The following MCM8 variants were observed in gnomAD, a reference collection of about 807,000 sequenced individuals.
MCM8 encodes the protein minichromosome maintenance 8 homologous recombination repair factor.
MCM8 carries 85 observed loss-of-function variants against 98.9 expected under a neutral mutation model. The observed-to-expected ratio is 0.86, with a 90% CI of 0.72 to 1.03. The LOEUF is 1.03. MCM8 is among the 50% of genes least tolerant of loss of function. The probability of loss-of-function intolerance (pLI) is 0.00; values close to 1 mark genes in which losing one functional copy is unlikely to be tolerated. For synonymous variants in MCM8, 352 were observed against 338.6 expected (o/e 1.04, Z -0.44); for missense variants, 951 against 997.8 (o/e 0.95, Z 0.63).
intron 10 of MCM8, among the ~76,000 whole-genome samples, chr20:5,970,673 A>G (rs533786290): frequency 1.3e-5 from 2 of 152,134 alleles, no homozygotes; most frequent in African/African-American, 2.4e-5. Flanking sequence ...TGAGCACACC[A>G]CCACCTCCTT....
At position 5,973,052 on chromosome 20, in the gene MCM8, T is replaced by C. The variant is rs1481169304; in HGVS notation, c.1255-4T>C. On this transcript the variant is annotated splice_polypyrimidine_tract_variant and splice_region_variant and intron_variant, in intron 11 of 18. Transcript: ENST00000610722. ...CTGTTTTTTGTTCTTTTTTCGCACTTGAGCTTGTTAAAGCAGGTTTGGCAT... is the reference window on the plus strand; with the variant it reads ...CTGTTTTTTGTTCTTTTTTCGCACTCGAGCTTGTTAAAGCAGGTTTGGCAT... The C allele has an allele frequency of 6.2e-7, 1 of 1,613,560 alleles. No individual in the cohort carries two copies. Among genetic ancestry groups the C allele is most frequent in the African/African-American group, 1.3e-5 (1 of 74,934 alleles).
At chr20:5,978,452 G>T (rs114901440) in intron 13 of MCM8, among the ~76,000 whole-genome samples, 1 of 152,266 alleles carries the variant, frequency 6.6e-6, no homozygotes, top group Admixed American at 6.5e-5. Flanking sequence ...TATTGAATGC[G>T]TTACTATGAT....
chr20:5,951,646 TAAG>T (rs1244571537), intron 1 of MCM8, among the ~76,000 whole-genome samples: 3 of 152,326 alleles, frequency 2.0e-5, no homozygotes, highest in Admixed American at 1.3e-4. Flanking sequence ...TGCCCTATAA[TAAG>T]AAGTCTCAAA....
At chr20:5,960,930 C>T (rs771751004) in intron 7 of MCM8, among the ~76,000 whole-genome samples, 2 of 151,934 alleles carry the variant, frequency 1.3e-5, no homozygotes, top group African/African-American at 4.8e-5. Flanking sequence ...AGCGAAACTC[C>T]GCCTCAAAAA....
rs749945902 is a variant in MCM8, at chr20:5,952,449, A to G, written c.174A>G (p.Ser58=). The G allele has an allele frequency of 6.2e-7, 1 of 1,614,014 alleles. No homozygotes were observed. The highest frequency in any genetic ancestry group is 8.5e-7 in the Non-Finnish European group (1 of 1,179,992). The change falls in exon 3 of 19, where the codon TCA becomes TCG. Residue 58 remains serine (S), a synonymous_variant. Coordinates refer to ENST00000610722, the MANE Select transcript of MCM8 (RefSeq NM_032485.6). ...TSEQTPQFLL[S]TKTPQSMQST... Reference sequence around the variant, plus strand: ...AACAAACCCCACAGTTTTTGCTTTCAACAAAGACCCCACAGTCAATGCAGT... The same window carrying G: ...AACAAACCCCACAGTTTTTGCTTTCGACAAAGACCCCACAGTCAATGCAGT...
At chr20:5,988,133 G>C (rs930059625) in intron 17 of MCM8, among the ~76,000 whole-genome samples, 6 of 151,684 alleles carry the variant, frequency 4.0e-5, no homozygotes, top group Admixed American at 2.6e-4. Flanking sequence ...TTTTTAATAG[G>C]TCCATACTTT....
At chr20:5,952,190 T>A in intron 2 of MCM8, 27 bp downstream of exon 2, 1 of 1,608,238 alleles carries the variant, frequency 6.2e-7, no homozygotes, top group Non-Finnish European at 8.5e-7. Context: ...ATTGTTCAAT[T>A]TTTTTCACTT....
chr20:5,967,836 G>A lies in MCM8; in HGVS notation c.1034G>A (p.Arg345Gln), dbSNP rs767842602. 1.7e-5 allele frequency: 28 copies of A among 1,600,830 alleles called. No homozygotes were observed. Among genetic ancestry groups the A allele is most frequent in the Middle Eastern group, 1.8e-4 (1 of 5,630 alleles). Residue 345 changes from arginine to glutamine, a missense_variant, in exon 10 of 19, where the codon CGA becomes CAA. Coordinates refer to ENST00000610722, the MANE Select transcript of MCM8 (RefSeq NM_032485.6). ...TAACACTTTTAATTTACAGGTTCTC[G>A]AAATAAGAATGACAAGTGTATGTTC... Reference protein sequence around the residue: ...VKVSNAEEGSRNKNDKCMFLL... With the variant: ...VKVSNAEEGSQNKNDKCMFLL...
chr20:5,952,197 A>G (rs768291372), intron 2 of MCM8, 34 bp downstream of exon 2: 3 of 1,607,314 alleles, frequency 1.9e-6, no homozygotes, highest in East Asian at 2.2e-5. Context: ...AATTTTTTTC[A>G]CTTAAGGAAG....
intron 10 of MCM8, among the ~76,000 whole-genome samples, chr20:5,968,275 T>C (rs1398514053): frequency 6.6e-6 from 1 of 152,104 alleles, no homozygotes; most frequent in Non-Finnish European, 1.5e-5. Flanking sequence ...CTGGATATGG[T>C]GGCTCACGCC....
chr20:5,956,123 T>C (rs2088974999), intron 5 of MCM8, among the ~76,000 whole-genome samples: 1 of 152,148 alleles, frequency 6.6e-6, no homozygotes, highest in South Asian at 2.1e-4. Context: ...GAATAGCAAA[T>C]CTCAGGACAG....
rs2088857471 is a variant in MCM8, at chr20:5,952,450, A to G, written c.175A>G (p.Thr59Ala). ...ACAAACCCCACAGTTTTTGCTTTCA[A>G]CAAAGACCCCACAGTCAATGCAGTC... ...SEQTPQFLLS[T>A]KTPQSMQSTL... Residue 59 changes from threonine to alanine, a missense_variant, in exon 3 of 19, where the codon ACA becomes GCA. Thr to Ala is a moderately conservative substitution (Grantham distance 58). Coordinates refer to ENST00000610722, the MANE Select transcript of MCM8 (RefSeq NM_032485.6). 7 of 1,613,926 alleles carry G rather than the reference A, an allele frequency of 4.3e-6. No individual in the cohort carries two copies. The highest frequency in any genetic ancestry group is 2.7e-5 in the African/African-American group (2 of 74,928).
intron 12 of MCM8, 46 bp downstream of exon 12, chr20:5,973,242 C>A: frequency 6.2e-7 from 1 of 1,602,080 alleles, no homozygotes; most frequent in South Asian, 1.1e-5. Context: ...TTGTAAAATG[C>A]GTTAATAATT....
chr20:5,968,122 C>T (rs1600266190), intron 10 of MCM8, 97 bp downstream of exon 10: 1 of 955,014 alleles, frequency 1.0e-6, no homozygotes, highest in East Asian at 2.4e-5. Flanking sequence ...GGTCGGCAAA[C>T]TACAGTCCAT....
chr20:5,977,065 CTG>C (rs1453795038), intron 12 of MCM8, among the ~76,000 whole-genome samples: 3 of 152,166 alleles, frequency 2.0e-5, no homozygotes, highest in Non-Finnish European at 4.4e-5. Context: ...CCATCATACT[CTG>C]TGTGTTATAA....
At chr20:5,989,981 T>G (rs994723705) in intron 17 of MCM8, among the ~76,000 whole-genome samples, 2 of 152,220 alleles carry the variant, frequency 1.3e-5, no homozygotes, top group African/African-American at 2.4e-5. Flanking sequence ...GAAAAATTAA[T>G]AATTATTGAC....
chr20:5,984,072 A>G (rs2089683449), intron 14 of MCM8, among the ~76,000 whole-genome samples: 1 of 152,252 alleles, frequency 6.6e-6, no homozygotes, highest in Admixed American at 6.5e-5. Flanking sequence ...CAATGTTTAT[A>G]TCTGTATGTA....
At position 5,975,788 on chromosome 20, in the gene MCM8, G is replaced by A. The variant is rs571848735; in HGVS notation, c.1396-2088G>A. 2.9e-4 allele frequency among the ~76,000 whole-genome samples: 44 copies of A among 150,252 alleles called. No homozygotes were observed. In the East Asian group the frequency reaches 8.5e-3, roughly 29 times the overall value. ...TGGGATTACAGGCATGAGCCACCAC[G>A]CCTGGCCTTTTTTTTTTTTTAATAA... On this transcript the variant is annotated intron_variant, in intron 12 of 18. Transcript: ENST00000610722.
chr20:5,955,358 C>T, intron 5 of MCM8, 107 bp downstream of exon 5: 3 of 1,047,596 alleles, frequency 2.9e-6, no homozygotes, highest in South Asian at 1.7e-5. Flanking sequence ...ACTGTACTTT[C>T]TATAAGAGAT....
Sources: gnomAD v4.1 joint callset for allele counts (sites outside exome capture counted in the v4.1 genomes callset) on GRCh38, gnomAD v4.1.1 for gene constraint, MANE v1.5 for transcripts, NCBI Gene and HGNC (gene_info 2026-07-23, HGNC 2026-07-21) for gene names.